The following CEP112 variants were observed in gnomAD, a reference collection of about 807,000 sequenced individuals.
The protein encoded by CEP112 is centrosomal protein of 112 kDa.
CEP112 carries 127 observed loss-of-function variants against 153.0 expected under a neutral mutation model. The ratio of observed to expected loss-of-function variants is 0.83; its 90% CI spans 0.72 to 0.96. The LOEUF (loss-of-function observed/expected upper bound fraction) is 0.96, where lower values mean the gene tolerates loss of function less well. Among genes scored for constraint, CEP112 ranks in the 40% least tolerant of loss-of-function variants. The probability of loss-of-function intolerance (pLI) is 0.00; values close to 1 mark genes in which losing one functional copy is unlikely to be tolerated. For synonymous variants in CEP112, 358 were observed against 374.4 expected (o/e 0.96, Z 0.51); for missense variants, 1,089 against 1,101.2 (o/e 0.99, Z 0.16).
Position 65,927,606 on chromosome 17 carries a change from G to A in CEP112, c.1956C>T (p.Asp652=), listed in dbSNP as rs1403264834. Residue 652 remains aspartate, a synonymous_variant, in exon 19 of 27, where the codon GAC becomes GAT. Coordinates refer to ENST00000535342, the MANE Select transcript of CEP112 (RefSeq NM_001199165.4). ...CCTGTTGTTCATACCGCTGTCTGAT[G>A]TCCTCCAGTTGCCATAAAAACTCCT... is the stretch of plus-strand genomic sequence containing the variant. ...QSKEFLWQLE[D]IRQRYEQQIV... The A allele has an allele frequency of 1.9e-6, 3 of 1,600,732 alleles. No individual in the cohort carries two copies. Among genetic ancestry groups the A allele is most frequent in the South Asian group, 2.3e-5 (2 of 87,312 alleles).
At chr17:66,046,540 A>AT (rs549060581) in intron 12 of CEP112, among the ~76,000 whole-genome samples, 49 of 152,328 alleles carry the variant, frequency 3.2e-4, no homozygotes, top group African/African-American at 1.1e-3. Context: ...ATTTTCATTT[A>AT]TAAGTGATAA....
At chr17:65,804,136 GGATTA>G (rs2055444973) in intron 21 of CEP112, among the ~76,000 whole-genome samples, 1 of 151,942 alleles carries the variant, frequency 6.6e-6, no homozygotes, top group Non-Finnish European at 1.5e-5. Context: ...AAACGAGTTG[GGATTA>G]ATTACTTTTA....
Position 65,913,472 on chromosome 17 carries a change from A to G in CEP112, c.1981-11138T>C, listed in dbSNP as rs183475209. On this transcript the variant is annotated intron_variant, in intron 19 of 26. Transcript: ENST00000535342. ...TTACTTTCTGAACACTTTAATAGAA[A>G]TAGGCACAAAAAAATTGTAAAAAGC... The G allele has an allele frequency of 1.2e-5, 12 of 984,100 alleles. 1 individual carries two copies. The African/African-American group carries it at 2.1e-4, about 17-fold the overall frequency. The allele number at this position is 984,100 out of a possible 1,614,324, so 61.0% of individuals were successfully genotyped here.
chr17:66,025,948 C>CACACACACACACACACACAT (rs1056546431), intron 16 of CEP112, among the ~76,000 whole-genome samples: 4 of 118,278 alleles, frequency 3.4e-5, no homozygotes, highest in East Asian at 2.0e-4. Flanking sequence ...CACACACACA[C>CACACACACACACACACACAT]ATATATAGAT....
At chr17:65,641,176 GGT>G in intron 24 of CEP112, 111 bp from the exon 25 acceptor site, 1 of 627,262 alleles carries the variant, frequency 1.6e-6, no homozygotes, top group Non-Finnish European at 2.8e-6. Flanking sequence ...TGTTACACGC[GGT>G]CAGAAACCAG....
intron 17 of CEP112, among the ~76,000 whole-genome samples, chr17:66,002,997 T>C (rs1220696734): frequency 1.3e-5 from 2 of 152,206 alleles, no homozygotes; most frequent in African/African-American, 4.8e-5. Flanking sequence ...ATTCTTAGAT[T>C]CAAAAGCAGC....
Position 65,997,928 on chromosome 17 carries a change from A to G in CEP112, c.1736+7762T>C, listed in dbSNP as rs556118327. Reference sequence around the variant, plus strand: ...AGGTCTCTACAATATGCCAAAGCACATCTTAATATAATAACTTTCAGCTTT... The same window carrying G: ...AGGTCTCTACAATATGCCAAAGCACGTCTTAATATAATAACTTTCAGCTTT... On this transcript the variant is annotated intron_variant, in intron 17 of 26. Coordinates refer to ENST00000535342, the MANE Select transcript of CEP112 (RefSeq NM_001199165.4). 5.0e-4 allele frequency among the ~76,000 whole-genome samples: 76 copies of G among 152,328 alleles called. 1 individual carries two copies. In the South Asian group the frequency reaches 0.015, roughly 31 times the overall value.
At chr17:65,651,995 G>A (rs756998475) in intron 24 of CEP112, among the ~76,000 whole-genome samples, 10 of 152,196 alleles carry the variant, frequency 6.6e-5, no homozygotes, top group Non-Finnish European at 8.8e-5. Flanking sequence ...GAGCCACTGC[G>A]CCCAGCTGAT....
chr17:65,969,887 C>A lies in CEP112; in HGVS notation c.1737-8289G>T, dbSNP rs1049683283. 2.6e-5 allele frequency among the ~76,000 whole-genome samples: 4 copies of A among 152,174 alleles called. No individual in the cohort carries two copies. The East Asian group carries it at 5.8e-4, about 22-fold the overall frequency. The stretch of plus-strand genomic sequence containing the variant: ...TTACATGTGCATTATGTGTAAATTA[C>A]ATGCATGCTTAACACATGCATATTA... On this transcript the variant is annotated intron_variant, in intron 17 of 26. Transcript: ENST00000535342.
At chr17:65,831,009 C>T (rs1476954033) in intron 21 of CEP112, among the ~76,000 whole-genome samples, 30 of 152,182 alleles carry the variant, frequency 2.0e-4, no homozygotes, top group Admixed American at 2.0e-3. Flanking sequence ...TATAAGTCTT[C>T]CCCAGAATGG....
intron 24 of CEP112, among the ~76,000 whole-genome samples, chr17:65,676,568 T>C (rs2047243282): frequency 1.3e-5 from 2 of 152,192 alleles, no homozygotes; most frequent in Non-Finnish European, 1.5e-5. Context: ...AACCTACCAC[T>C]GAAATGTAAA....
chr17:65,966,382 A>G (rs2062415487), intron 17 of CEP112, among the ~76,000 whole-genome samples: 2 of 152,228 alleles, frequency 1.3e-5, no homozygotes. Flanking sequence ...CCTTAATTTG[A>G]AAATCTTCCT....
chr17:65,920,316 C>T (rs1259607481), intron 19 of CEP112, among the ~76,000 whole-genome samples: 1 of 137,106 alleles, frequency 7.3e-6, no homozygotes, highest in East Asian at 2.2e-4. Flanking sequence ...ACTGGCACTC[C>T]AGCCTGGGTG....
chr17:66,130,277 T>C (rs1216279347), intron 5 of CEP112, among the ~76,000 whole-genome samples: 1 of 152,166 alleles, frequency 6.6e-6, no homozygotes, highest in African/African-American at 2.4e-5. Context: ...TAAGTTCTTT[T>C]ACAAAAAGTT....
At chr17:65,882,911 C>T (rs973401161) in intron 20 of CEP112, among the ~76,000 whole-genome samples, 7 of 152,128 alleles carry the variant, frequency 4.6e-5, no homozygotes, top group Admixed American at 6.5e-5. Flanking sequence ...CTACTCAACT[C>T]TTAGTTTGAC....
Position 65,743,158 on chromosome 17 carries a change from C to G in CEP112, c.2517G>C (p.Gln839His). The G allele has an allele frequency of 6.2e-7, 1 of 1,612,636 alleles. No individual in the cohort carries two copies. Among genetic ancestry groups the G allele is most frequent in the Non-Finnish European group, 8.5e-7 (1 of 1,179,204 alleles). The stretch of plus-strand genomic sequence containing the variant: ...CCTGGAGCCGCCTTTCTGCAGCAAG[C>G]TGCTGCTGGCTGTTCTCTTCTTTCA... ...SSLKEENSQQ[Q>H]LAAERRLQDV... The change falls in exon 23 of 27, where the codon CAG (glutamine) becomes CAC (histidine). Residue 839 changes from glutamine (Q) to histidine (H), a missense_variant. Coordinates refer to ENST00000535342, the MANE Select transcript of CEP112 (RefSeq NM_001199165.4).
At chr17:65,806,054 G>C (rs1424471573) in intron 21 of CEP112, among the ~76,000 whole-genome samples, 1 of 152,174 alleles carries the variant, frequency 6.6e-6, no homozygotes, top group Admixed American at 6.5e-5. Flanking sequence ...CAATACTACT[G>C]TTTGGTGAAA....
chr17:66,152,845 T>G (rs199900248), intron 4 of CEP112, among the ~76,000 whole-genome samples: 2 of 152,168 alleles, frequency 1.3e-5, no homozygotes, highest in East Asian at 3.9e-4. Context: ...GCCCATTGTA[T>G]GTTGGGTGTG....
At chr17:66,101,380 AG>A (rs1598352345) in intron 6 of CEP112, among the ~76,000 whole-genome samples, 1 of 152,104 alleles carries the variant, frequency 6.6e-6, no homozygotes, top group East Asian at 1.9e-4. Flanking sequence ...CTGTATCACA[AG>A]GTCCATTCAG....
Sources: allele counts gnomAD v4.1 joint callset (sites outside exome capture counted in the v4.1 genomes callset), GRCh38; gene constraint gnomAD v4.1.1; transcripts MANE v1.5; gene names NCBI Gene and HGNC (gene_info 2026-07-23, HGNC 2026-07-21).